FGF12: variants seen among roughly 807,000 people sequenced by gnomAD.
FGF12 encodes the protein fibroblast growth factor 12B.
In FGF12, 14 loss-of-function variants were observed where a neutral mutation model predicts 23.6. The ratio of observed to expected loss-of-function variants is 0.59; its 90% CI spans 0.39 to 0.93. The LOEUF (loss-of-function observed/expected upper bound fraction) is 0.93. Ranked by LOEUF, FGF12 falls within the 40% of genes least tolerant of loss-of-function variation. The probability of loss-of-function intolerance (pLI) is 0.00; values close to 1 mark genes in which losing one functional copy is unlikely to be tolerated. For synonymous variants in FGF12, 62 were observed against 77.3 expected, an observed-to-expected ratio of 0.80 and a Z score of 1.04; for missense variants, 175 against 217.8, an observed-to-expected ratio of 0.80 and a Z score of 1.24.
chr3:192,598,849 C>G (rs1713974499), intron 2 of FGF12, among the ~76,000 whole-genome samples: 1 of 152,164 alleles, frequency 6.6e-6, no homozygotes, highest in African/African-American at 2.4e-5. Context: ...TTTAAGAAGA[C>G]TTGGAACCAA....
At chr3:192,542,116 G>A (rs916077004) in intron 2 of FGF12, among the ~76,000 whole-genome samples, 1 of 149,866 alleles carries the variant, frequency 6.7e-6, no homozygotes, top group Non-Finnish European at 1.5e-5. Context: ...TGAATGATCC[G>A]CCTACCTTGG....
intron 2 of FGF12, among the ~76,000 whole-genome samples, chr3:192,385,559 C>T (rs1432190545): frequency 6.8e-6 from 1 of 146,596 alleles, no homozygotes; most frequent in African/African-American, 2.5e-5. Flanking sequence ...AGAGAATTCA[C>T]CCCCCCCAGC....
intron 4 of FGF12, among the ~76,000 whole-genome samples, chr3:192,192,570 G>C (rs559207963): frequency 2.6e-4 from 39 of 150,784 alleles, no homozygotes; most frequent in Non-Finnish European, 2.8e-4. Flanking sequence ...CTTGAAACAG[G>C]TTTTTAATAT....
intron 4 of FGF12, among the ~76,000 whole-genome samples, chr3:192,207,949 C>G: frequency 6.6e-6 from 1 of 152,080 alleles, no homozygotes. Flanking sequence ...CTACTTAGGG[C>G]CAGATAAATT....
intron 2 of FGF12, among the ~76,000 whole-genome samples, chr3:192,489,381 C>A (rs1465420559): frequency 6.6e-6 from 1 of 151,878 alleles, no homozygotes; most frequent in Non-Finnish European, 1.5e-5. Flanking sequence ...TTCTTCACTC[C>A]AATGCCGTCA....
At position 192,442,910 on chromosome 3, in the gene FGF12, C is replaced by T. The variant is rs1034894426; in HGVS notation, c.14-82372G>A. Among the ~76,000 whole-genome samples, 55 of 151,498 alleles carry T rather than the reference C, an allele frequency of 3.6e-4. No individual in the cohort carries two copies. In the Middle Eastern group the frequency reaches 0.014, roughly 37 times the overall value. ...GCAACCTCCGCCCTCCGAGTTCAAG[C>T]GATTCTCCTGCCTCAGCCTCCCTAG... On this transcript the variant is annotated intron_variant, in intron 2 of 5. Transcript: ENST00000445105.
At chr3:192,200,685 T>C (rs573485115) in intron 4 of FGF12, among the ~76,000 whole-genome samples, 4 of 152,320 alleles carry the variant, frequency 2.6e-5, no homozygotes, top group South Asian at 2.1e-4. Context: ...CATGTGATCC[T>C]GGACAAGACA....
chr3:192,574,582 T>C (rs1712792297), intron 2 of FGF12, among the ~76,000 whole-genome samples: 2 of 152,200 alleles, frequency 1.3e-5, no homozygotes, highest in African/African-American at 4.8e-5. Flanking sequence ...TAGGTTATCA[T>C]AGCATTCCCC....
At chr3:192,384,792 C>T (rs1215690680) in intron 2 of FGF12, among the ~76,000 whole-genome samples, 1 of 152,152 alleles carries the variant, frequency 6.6e-6, no homozygotes, top group Non-Finnish European at 1.5e-5. Context: ...ATGAGTGACA[C>T]ATCCCAAGAA....
intron 2 of FGF12, among the ~76,000 whole-genome samples, chr3:192,615,878 GTA>G: frequency 6.6e-6 from 1 of 151,984 alleles, no homozygotes; most frequent in South Asian, 2.1e-4. Flanking sequence ...CCATACTCAT[GTA>G]TATGTTTATA....
chr3:192,534,314 T>C (rs1225804130), intron 2 of FGF12, among the ~76,000 whole-genome samples: 3 of 152,182 alleles, frequency 2.0e-5, no homozygotes, highest in Non-Finnish European at 2.9e-5. Flanking sequence ...AAAATTAACT[T>C]ATATTTTAAA....
intron 4 of FGF12, among the ~76,000 whole-genome samples, chr3:192,242,379 CA>C (rs1292223889): frequency 2.6e-5 from 4 of 152,246 alleles, no homozygotes; most frequent in African/African-American, 9.6e-5. Context: ...CTAGTTCTAG[CA>C]ACCAAAAGTG....
intron 2 of FGF12, among the ~76,000 whole-genome samples, chr3:192,384,294 A>G (rs1357676436): frequency 1.3e-5 from 2 of 152,176 alleles, no homozygotes; most frequent in African/African-American, 4.8e-5. Flanking sequence ...AAAAGAAGAA[A>G]TGTAGGCACT....
chr3:192,245,332 G>A (rs908418183), intron 4 of FGF12, among the ~76,000 whole-genome samples: 2 of 151,750 alleles, frequency 1.3e-5, no homozygotes, highest in Non-Finnish European at 2.9e-5. Context: ...TACCCAGGCT[G>A]GTCTCAAACT....
At position 192,220,748 on chromosome 3, in the gene FGF12, T is replaced by C. The variant is rs554581122; in HGVS notation, c.229-50092A>G. On this transcript the variant is annotated intron_variant, in intron 4 of 5. Coordinates refer to ENST00000445105, the MANE Select transcript of FGF12 (RefSeq NM_004113.6). Reference sequence around the variant, plus strand: ...TATATGACTGGTAAATATTGGTTCATTGAAAAGAAGCCTTAGAAATTTGGG... The same window carrying C: ...TATATGACTGGTAAATATTGGTTCACTGAAAAGAAGCCTTAGAAATTTGGG... Among the ~76,000 whole-genome samples the C allele has an allele frequency of 4.6e-5, 7 of 152,322 alleles. No homozygotes were observed. In the South Asian group the frequency reaches 6.2e-4, roughly 14 times the overall value.
At chr3:192,295,007 G>A (rs1714953707) in intron 4 of FGF12, among the ~76,000 whole-genome samples, 1 of 152,076 alleles carries the variant, frequency 6.6e-6, no homozygotes, top group South Asian at 2.1e-4. Flanking sequence ...ACCAATCAAA[G>A]ACAGTTCTAT....
chr3:192,495,482 G>T (rs1723927973), intron 2 of FGF12, among the ~76,000 whole-genome samples: 1 of 152,110 alleles, frequency 6.6e-6, no homozygotes, highest in African/African-American at 2.4e-5. Context: ...ATATGTGTGT[G>T]TAAGTCTTTA....
intron 2 of FGF12, among the ~76,000 whole-genome samples, chr3:192,585,218 G>A (rs1005267965): frequency 5.3e-5 from 8 of 152,106 alleles, no homozygotes; most frequent in Non-Finnish European, 1.2e-4. Flanking sequence ...GGTAAATGCT[G>A]GACACTGTGC....
At chr3:192,146,358 C>T (rs1713716405) in intron 5 of FGF12, among the ~76,000 whole-genome samples, 1 of 151,150 alleles carries the variant, frequency 6.6e-6, no homozygotes, top group South Asian at 2.1e-4. Context: ...GCAAACTCCG[C>T]CTCCCGGGTT....
Sources: allele counts gnomAD v4.1 joint callset (sites outside exome capture counted in the v4.1 genomes callset), GRCh38; gene constraint gnomAD v4.1.1; transcripts MANE v1.5; gene names NCBI Gene and HGNC (gene_info 2026-07-23, HGNC 2026-07-21).